The following CSMD3 variants were observed in gnomAD, a reference collection of about 807,000 sequenced individuals.
CSMD3 encodes CUB and Sushi multiple domains 3, also known as CUB and sushi domain-containing protein 3.
Under a neutral mutation model 435.2 loss-of-function variants are expected in CSMD3, and 177 were observed. That is an observed-to-expected ratio of 0.41 (90% confidence interval 0.36 to 0.46). The LOEUF (loss-of-function observed/expected upper bound fraction) is 0.46. CSMD3 is among the 20% of genes least tolerant of loss of function. CSMD3 has a pLI of 0.34. For synonymous variants in CSMD3, 1,656 were observed against 1,520.5 expected, an observed-to-expected ratio of 1.09 and a Z score of -2.07; for missense variants, 4,265 against 4,504.6, an observed-to-expected ratio of 0.95 and a Z score of 1.52.
chr8:113,256,878 G>A (rs1344826472), intron 3 of CSMD3, among the ~76,000 whole-genome samples: 2 of 152,144 alleles, frequency 1.3e-5, no homozygotes, highest in African/African-American at 4.8e-5. Context: ...ATTAGATTAC[G>A]TAGAAATGCA....
At chr8:112,519,504 C>T (rs188914951) in intron 27 of CSMD3, among the ~76,000 whole-genome samples, 1 of 152,084 alleles carries the variant, frequency 6.6e-6, no homozygotes, top group African/African-American at 2.4e-5. Context: ...TAGGAATTAT[C>T]CAGTGACTAG....
intron 38 of CSMD3, among the ~76,000 whole-genome samples, chr8:112,358,233 C>G (rs916847067): frequency 3.3e-5 from 5 of 152,044 alleles, no homozygotes; most frequent in African/African-American, 1.2e-4. Context: ...CTGTATTTAC[C>G]CAATGCCTGT....
At chr8:113,271,329 C>T (rs1049173422) in intron 3 of CSMD3, among the ~76,000 whole-genome samples, 3 of 152,074 alleles carry the variant, frequency 2.0e-5, no homozygotes, top group Non-Finnish European at 2.9e-5. Context: ...TATGGCAGCC[C>T]GTCCCATTAC....
chr8:112,886,217 T>C (rs565531540), intron 10 of CSMD3, among the ~76,000 whole-genome samples: 1 of 151,752 alleles, frequency 6.6e-6, no homozygotes, highest in African/African-American at 2.4e-5. Flanking sequence ...TGAAACCAAA[T>C]TGCTTAGTAA....
intron 24 of CSMD3, among the ~76,000 whole-genome samples, chr8:112,569,906 C>T (rs1829370876): frequency 6.6e-6 from 1 of 152,094 alleles, no homozygotes; most frequent in Non-Finnish European, 1.5e-5. Context: ...TTACCTGATC[C>T]TCCCTAGACA....
chr8:112,390,015 G>A (rs1302197428), intron 36 of CSMD3, among the ~76,000 whole-genome samples: 1 of 152,140 alleles, frequency 6.6e-6, no homozygotes, highest in Non-Finnish European at 1.5e-5. Context: ...TTAAGTGAGA[G>A]ATGTGTGCAT....
chr8:113,308,666 G>A (rs982676717), intron 2 of CSMD3, among the ~76,000 whole-genome samples: 5 of 152,018 alleles, frequency 3.3e-5, no homozygotes, highest in African/African-American at 7.2e-5. Context: ...TATCTGTATC[G>A]TTCTATTTTG....
chr8:112,364,739 A>G (rs562737655), intron 38 of CSMD3, among the ~76,000 whole-genome samples: 130 of 152,208 alleles, frequency 8.5e-4, no homozygotes, highest in African/African-American at 3.0e-3. Flanking sequence ...ATATTTAATG[A>G]TATTCCATGA....
intron 38 of CSMD3, among the ~76,000 whole-genome samples, chr8:112,379,838 G>A (rs1829307324): frequency 6.6e-6 from 1 of 152,148 alleles, no homozygotes; most frequent in African/African-American, 2.4e-5. Flanking sequence ...AGGACATCCA[G>A]ATGAACCTGG....
chr8:113,089,287 G>A (rs2089919456), intron 5 of CSMD3, among the ~76,000 whole-genome samples: 1 of 152,084 alleles, frequency 6.6e-6, no homozygotes, highest in Admixed American at 6.6e-5. Context: ...CTCACTACTA[G>A]CCAATCTGTT....
At chr8:112,561,089 T>C (rs1024821175) in intron 24 of CSMD3, among the ~76,000 whole-genome samples, 6 of 151,730 alleles carry the variant, frequency 4.0e-5, no homozygotes, top group African/African-American at 7.2e-5. Context: ...GACAATAGTA[T>C]ATAAGCTACA....
At chr8:113,271,143 C>T (rs988192743) in intron 3 of CSMD3, among the ~76,000 whole-genome samples, 2 of 151,998 alleles carry the variant, frequency 1.3e-5, no homozygotes, top group East Asian at 1.9e-4. Context: ...TGTTTTAAAA[C>T]GGAAACAGAG....
intron 41 of CSMD3, among the ~76,000 whole-genome samples, chr8:112,345,782 GTATAC>G (rs1825606897): frequency 6.6e-6 from 1 of 151,744 alleles, no homozygotes; most frequent in Non-Finnish European, 1.5e-5. Context: ...CTTCCAAAAT[GTATAC>G]AAATTTCAAA....
rs1031757739 is a variant in CSMD3 at position 112,405,387 on chromosome 8, T to TA, written c.5809+1136dup. ...TTTTTGAATTTAATATTATGTAATT[T>TA]AAAAAATAATAAAAATTCCCAGATA... On this transcript the variant is annotated intron_variant, in intron 35 of 70. Transcript: ENST00000297405. 7.3e-5 allele frequency among the ~76,000 whole-genome samples: 11 copies of TA among 150,216 alleles called. No homozygotes were observed. In the East Asian group the frequency reaches 1.2e-3, roughly 16 times the overall value.
intron 1 of CSMD3, among the ~76,000 whole-genome samples, chr8:113,417,698 C>T (rs993653500): frequency 1.3e-5 from 2 of 151,822 alleles, no homozygotes; most frequent in Non-Finnish European, 2.9e-5. Flanking sequence ...AGACCTGAAA[C>T]AATGCATCCA....
intron 5 of CSMD3, among the ~76,000 whole-genome samples, chr8:113,024,219 G>A (rs2086789913): frequency 6.6e-6 from 1 of 151,632 alleles, no homozygotes; most frequent in African/African-American, 2.4e-5. Flanking sequence ...TTTCCTTGAG[G>A]TTTACCCATG....
At chr8:113,207,993 T>G (rs931801075) in intron 3 of CSMD3, among the ~76,000 whole-genome samples, 1 of 152,192 alleles carries the variant, frequency 6.6e-6, no homozygotes, top group African/African-American at 2.4e-5. Flanking sequence ...ACAATACTGA[T>G]GAAATTTTAG....
chr8:112,723,159 T>G (rs1284850011), intron 13 of CSMD3, among the ~76,000 whole-genome samples: 1 of 152,100 alleles, frequency 6.6e-6, no homozygotes, highest in Non-Finnish European at 1.5e-5. Context: ...ATCATTTGCA[T>G]AGCTTGGAGT....
intron 4 of CSMD3, among the ~76,000 whole-genome samples, chr8:113,100,307 T>C (rs2090291510): frequency 2.6e-5 from 4 of 152,130 alleles, no homozygotes; most frequent in Admixed American, 2.6e-4. Context: ...TTGTCTTGTC[T>C]AGACCATGTG....
Sources: allele counts gnomAD v4.1 joint callset (sites outside exome capture counted in the v4.1 genomes callset), GRCh38; gene constraint gnomAD v4.1.1; transcripts MANE v1.5; gene names NCBI Gene and HGNC (gene_info 2026-07-23, HGNC 2026-07-21).